The following FBXO24 variants were observed in gnomAD, a reference collection of about 807,000 sequenced individuals.
FBXO24 encodes F-box only protein 24.
FBXO24 carries 30 observed loss-of-function variants against 63.5 expected under a neutral mutation model. The ratio of observed to expected loss-of-function variants is 0.47; its 90% CI spans 0.35 to 0.64. The LOEUF is 0.64. Among genes scored for constraint, FBXO24 ranks in the 30% least tolerant of loss-of-function variants. FBXO24 has a pLI of 0.00. For missense variants in FBXO24, 624 were observed against 763.4 expected (o/e 0.82, Z 2.15); for synonymous variants, 300 against 305.0 (o/e 0.98, Z 0.17).
intron 1 of FBXO24, among the ~76,000 whole-genome samples, chr7:100,589,159 A>C (rs1046844638): frequency 6.6e-6 from 1 of 152,096 alleles, no homozygotes. Context: ...GTGTTTTTTC[A>C]CAAGTCTAAA....
In FBXO24 at chr7:100,591,825, G is replaced by A; in HGVS notation, c.481G>A (p.Ala161Thr). 1 of 1,614,182 alleles carries A rather than the reference G, an allele frequency of 6.2e-7. No individual in the cohort carries two copies. The highest frequency in any genetic ancestry group is 8.5e-7 in the Non-Finnish European group (1 of 1,180,028). ...GGGGACCCTCTTCTTCCTCAAAAAT[G>A]CCCTGGTCTCCACCCTCGGCCAGAT... ...YVGTLFFLKN[A>T]LVSTLGQMQW... The change falls in exon 4 of 10, where the codon GCC becomes ACC. Residue 161 changes from alanine (A) to threonine (T), a missense_variant. By Grantham distance (58) the Ala-to-Thr change is moderately conservative (BLOSUM62 0). Coordinates refer to ENST00000241071, the MANE Select transcript of FBXO24 (RefSeq NM_033506.3).
rs1444432560 is a variant in FBXO24 at position 100,600,170 on chromosome 7, G to A, written c.1346G>A (p.Gly449Glu). Residue 449 changes from glycine (G) to glutamate (E), a missense_variant, in exon 9 of 10, where the codon GGG (glycine) becomes GAG (glutamate). Physicochemically the swap from Gly to Glu is moderately conservative, Grantham distance 98. This residue lies in a region of FBXO24 where 216 missense variants were observed against 245.2 expected (regional missense o/e 0.88). Coordinates refer to ENST00000241071, the MANE Select transcript of FBXO24 (RefSeq NM_033506.3). This position sits in a 1 kb window ranked among gnomAD's most constrained non-coding sequence, Gnocchi z 6.3. ...AGGRLPGWPK[G>E]SASFVKLQVK... Reference sequence around the variant, plus strand: ...GGCCGCCTCCCAGGCTGGCCCAAGGGGAGTGCCTCCTTCGTCAAGCTCCAA... The same window carrying A: ...GGCCGCCTCCCAGGCTGGCCCAAGGAGAGTGCCTCCTTCGTCAAGCTCCAA... 6.3e-7 allele frequency: 1 copy of A among 1,581,066 alleles called. No individual in the cohort carries two copies. Among genetic ancestry groups the A allele is most frequent in the Non-Finnish European group, 8.6e-7 (1 of 1,163,584 alleles).
At chr7:100,592,658 G>C in intron 4 of FBXO24, 125 bp from the exon 5 acceptor site, 1 of 728,672 alleles carries the variant, frequency 1.4e-6, no homozygotes, top group Non-Finnish European at 2.3e-6. Context: ...ATAGGAACCT[G>C]AAATCAAGGG....
chr7:100,596,742 G>T (rs184262015), intron 8 of FBXO24, among the ~76,000 whole-genome samples: 1 of 152,168 alleles, frequency 6.6e-6, no homozygotes, highest in East Asian at 1.9e-4. Flanking sequence ...GAAGAGAGGG[G>T]TATAAGACAG....
chr7:100,599,900 G>A, intron 8 of FBXO24, 131 bp from the exon 9 acceptor site: 1 of 1,017,514 alleles, frequency 9.8e-7, no homozygotes, highest in South Asian at 1.6e-5. Context: ...CCTGGGGCGT[G>A]GGACAGTGCT....
In FBXO24 at chr7:100,594,674, G is replaced by A. The variant is rs192267003; in HGVS notation, c.952+133G>A. The A allele has an allele frequency of 1.3e-4, 136 of 1,069,140 alleles. 1 individual carries two copies. The African/African-American group carries it at 1.9e-3, about 15-fold the overall frequency. The allele number at this position is 1,069,140 out of a possible 1,614,324, so 66.2% of individuals were successfully genotyped here. ...CTAGTGAAAAGATGTGTTTAGGGCC[G>A]GCATGGTGACTCATGCCTGTAATCC... On this transcript the variant is annotated intron_variant, in intron 6 of 9. Transcript: ENST00000241071. The surrounding 1 kb of genome is among the most constrained non-coding windows in gnomAD (Gnocchi z 4.2).
intron 1 of FBXO24, among the ~76,000 whole-genome samples, chr7:100,587,266 C>G (rs1801803003): frequency 6.6e-6 from 1 of 151,758 alleles, no homozygotes; most frequent in East Asian, 1.9e-4. Flanking sequence ...TCCTCTCTTC[C>G]TCCCTCCCTC....
chr7:100,590,571 A>C (rs562966892), intron 3 of FBXO24, among the ~76,000 whole-genome samples: 9 of 152,234 alleles, frequency 5.9e-5, no homozygotes, highest in African/African-American at 1.9e-4. Flanking sequence ...CTCCCTGCCA[A>C]GTCTCCCTCT....
chr7:100,592,101 A>G, intron 4 of FBXO24, 199 bp downstream of exon 4: 1 of 528,646 alleles, frequency 1.9e-6, no homozygotes, highest in South Asian at 2.1e-5. Flanking sequence ...TCTACTAAAA[A>G]TACAAAAATT....
rs150933909 is a variant in FBXO24 at position 100,590,234 on chromosome 7, C to T, written c.199C>T (p.Arg67Cys). 1.9e-5 allele frequency: 31 copies of T among 1,614,056 alleles called. No homozygotes were observed. In the African/African-American group the frequency reaches 2.4e-4, roughly 13 times the overall value. Residue 67 changes from arginine (R) to cysteine (C), a missense_variant, in exon 3 of 10, where the codon CGC (arginine) becomes TGC (cysteine). Arg to Cys is a radical substitution (Grantham distance 180, BLOSUM62 -3). This residue lies in a region of FBXO24 where 391 missense variants were observed against 469.1 expected (regional missense o/e 0.83). Coordinates refer to ENST00000241071, the MANE Select transcript of FBXO24 (RefSeq NM_033506.3). Reference protein sequence around the residue: ...RDLVALGQTCRYFHEVCDGEG... With the variant: ...RDLVALGQTCCYFHEVCDGEG... ...CCTTGTTGCCCTCGGCCAGACCTGCCGCTACTTCCACGAAGTGTGCGATGG... is the reference window on the plus strand; with the variant it reads ...CCTTGTTGCCCTCGGCCAGACCTGCTGCTACTTCCACGAAGTGTGCGATGG...
At chr7:100,593,673 T>C (rs1490691101) in intron 5 of FBXO24, among the ~76,000 whole-genome samples, 2 of 148,958 alleles carry the variant, frequency 1.3e-5, no homozygotes, top group Non-Finnish European at 3.0e-5. Flanking sequence ...GGCATGGACC[T>C]GTAGTCCCAG....
chr7:100,597,943 T>C (rs1280254495), intron 8 of FBXO24, among the ~76,000 whole-genome samples: 1 of 151,368 alleles, frequency 6.6e-6, no homozygotes, highest in Non-Finnish European at 1.5e-5. Flanking sequence ...CAAGCTTATA[T>C]TGAACTCATG....
chr7:100,592,870 A>G lies in FBXO24; in HGVS notation c.646A>G (p.Thr216Ala). The G allele has an allele frequency of 1.2e-6, 2 of 1,614,092 alleles. No homozygotes were observed. Among genetic ancestry groups the G allele is most frequent in the Non-Finnish European group, 1.7e-6 (2 of 1,180,018 alleles). Residue 216 changes from threonine (T) to alanine (A), a missense_variant, in exon 5 of 10, where the codon ACC (threonine) becomes GCC (alanine). Transcript: ENST00000241071. ...TREPQEVVGT[T>A]SSRACDCVEV... ...GGAGCCGCAGGAAGTGGTGGGTACC[A>G]CCAGCAGCCGGGCCTGTGACTGTGT...
intron 8 of FBXO24, among the ~76,000 whole-genome samples, chr7:100,597,892 T>A (rs373904917): frequency 7.1e-6 from 1 of 141,748 alleles, no homozygotes; most frequent in African/African-American, 2.5e-5. Context: ...TTGTTTTTTT[T>A]GTTTTTTTTT....
rs1386192722 is a variant in FBXO24, at chr7:100,594,404, T to C, written c.815T>C (p.Leu272Ser). The change falls in exon 6 of 10, where the codon TTG becomes TCG. Residue 272 changes from leucine to serine, a missense_variant. Physicochemically the swap from Leu to Ser is moderately radical, Grantham distance 145. Coordinates refer to ENST00000241071, the MANE Select transcript of FBXO24 (RefSeq NM_033506.3). This position sits in a 1 kb window ranked among gnomAD's most constrained non-coding sequence, Gnocchi z 4.2. The stretch of plus-strand genomic sequence containing the variant: ...CCAGAGGAAGGAAAGATCTACTCTT[T>C]GGTAGTGAATGAGACCCAGCTTGAC... Reference protein sequence around the residue: ...LLTEEGKIYSLVVNETQLDQP... With the variant: ...LLTEEGKIYSSVVNETQLDQP... The C allele has an allele frequency of 7.4e-6, 12 of 1,612,712 alleles. No homozygotes were observed. The Admixed American group carries it at 2.0e-4, about 27-fold the overall frequency.
At chr7:100,589,642 T>C (rs1584419712) in intron 1 of FBXO24, 1 of 1,483,862 alleles carries the variant, frequency 6.7e-7, no homozygotes, top group East Asian at 2.5e-5. Flanking sequence ...GCTGGGGACA[T>C]GGTGTGGGAA....
chr7:100,599,100 A>G (rs544830181), intron 8 of FBXO24, among the ~76,000 whole-genome samples: 1 of 152,310 alleles, frequency 6.6e-6, no homozygotes, highest in African/African-American at 2.4e-5. Context: ...TAAAAATTAT[A>G]GGCACATGCC....
chr7:100,599,830 A>G, intron 8 of FBXO24: 1 of 595,968 alleles, frequency 1.7e-6, no homozygotes, highest in Non-Finnish European at 3.0e-6. Flanking sequence ...ATACCAACAG[A>G]AGTGCAAGAC....
chr7:100,586,909 TGGGGGCGGGCG>T (rs1290283682), intron 1 of FBXO24, among the ~76,000 whole-genome samples: 4 of 35,756 alleles, frequency 1.1e-4, no homozygotes, highest in African/African-American at 4.4e-4. Flanking sequence ...ACCCCCGGGC[TGGGGGCGGGCG>T]GGGGGCTTCC....
Sources: gnomAD v4.1 joint callset for allele counts (sites outside exome capture counted in the v4.1 genomes callset) on GRCh38, gnomAD v4.1.1 for gene constraint, gnomAD v4.1.1 regional missense constraint, Gnocchi (gnomAD v3.1) non-coding constraint, MANE v1.5 for transcripts, NCBI Gene and HGNC (gene_info 2026-07-23, HGNC 2026-07-21) for gene names.